CCDC102B: variants seen among roughly 807,000 people sequenced by gnomAD.
CCDC102B encodes coiled-coil domain-containing protein 102B.
In CCDC102B, 75 loss-of-function variants were observed where a neutral mutation model predicts 57.4. The ratio of observed to expected loss-of-function variants is 1.31; its 90% confidence interval spans 1.08 to 1.58. CCDC102B has a LOEUF of 1.58. Ranked by LOEUF, CCDC102B falls within the 40% of genes most tolerant of loss-of-function variation. The pLI is 0.00. For synonymous variants in CCDC102B, 206 were observed against 201.9 expected (o/e 1.02, Z -0.17); for missense variants, 636 against 582.6 (o/e 1.09, Z -0.94).
chr18:68,943,730 C>A (rs1402658753), intron 6 of CCDC102B, among the ~76,000 whole-genome samples: 2 of 152,208 alleles, frequency 1.3e-5, no homozygotes, highest in South Asian at 2.1e-4. Context: ...AATTAAGAGT[C>A]CTTTATTTAA....
intron 4 of CCDC102B, among the ~76,000 whole-genome samples, chr18:68,852,547 G>T (rs1340122651): frequency 6.6e-6 from 1 of 152,022 alleles, no homozygotes; most frequent in East Asian, 1.9e-4. Flanking sequence ...TTTCATTCAT[G>T]TGGAGTCAAC....
chr18:68,925,271 CTCAG>C (rs939858615), intron 6 of CCDC102B, among the ~76,000 whole-genome samples: 42 of 152,110 alleles, frequency 2.8e-4, no homozygotes, highest in Middle Eastern at 3.4e-3. Context: ...TTCAGAAATA[CTCAG>C]TCAGATACCA....
chr18:68,767,652 G>T lies in CCDC102B; in HGVS notation c.-67+51058G>T, dbSNP rs187291046. On this transcript the variant is annotated intron_variant, in intron 2 of 3. Coordinates refer to the CCDC102B transcript ENST00000578970. ...CTATGATTTTTAGAAGCAGTAAAAGGTCATAGTATCTCTCTGAAAAGCTCA... is the reference window on the plus strand; with the variant it reads ...CTATGATTTTTAGAAGCAGTAAAAGTTCATAGTATCTCTCTGAAAAGCTCA... Among the ~76,000 whole-genome samples, 433 of 152,166 alleles carry T rather than the reference G, an allele frequency of 2.8e-3. 1 individual carries two copies. The highest frequency in any genetic ancestry group is 1.0e-2 in the African/African-American group (415 of 41,538).
chr18:68,994,293 T>G (rs2050956027), intron 6 of CCDC102B, among the ~76,000 whole-genome samples: 1 of 152,228 alleles, frequency 6.6e-6, no homozygotes, highest in Admixed American at 6.5e-5. Flanking sequence ...AGTTTGTAAA[T>G]ATTCATTGTA....
chr18:68,976,649 A>G (rs963471149), intron 6 of CCDC102B, among the ~76,000 whole-genome samples: 3 of 152,038 alleles, frequency 2.0e-5, no homozygotes, highest in African/African-American at 7.2e-5. Context: ...TATACATCCT[A>G]TGACCTTTTA....
At chr18:68,802,191 G>C (rs771325125) in intron 1 of CCDC102B, among the ~76,000 whole-genome samples, 2 of 152,110 alleles carry the variant, frequency 1.3e-5, no homozygotes, top group Non-Finnish European at 2.9e-5. Context: ...GAGGGTTCAG[G>C]TGAGCTTTGT....
intron 2 of CCDC102B, among the ~76,000 whole-genome samples, chr18:68,756,556 C>T (rs567535095): frequency 3.5e-4 from 54 of 152,262 alleles, no homozygotes; most frequent in Non-Finnish European, 6.2e-4. Context: ...GTATAGTAGA[C>T]AATGCTAGTT....
chr18:68,947,595 T>A (rs1416708661), intron 6 of CCDC102B, among the ~76,000 whole-genome samples: 1 of 152,114 alleles, frequency 6.6e-6, no homozygotes, highest in Admixed American at 6.6e-5. Flanking sequence ...AAGTTAAATG[T>A]GATGTACTTT....
intron 4 of CCDC102B, among the ~76,000 whole-genome samples, chr18:68,857,169 T>TATA (rs1368116580): frequency 7.3e-5 from 3 of 40,840 alleles, no homozygotes; most frequent in Non-Finnish European, 1.1e-4. Context: ...TATTTTTATA[T>TATA]AATATATAAA....
downstream of CCDC102B, among the ~76,000 whole-genome samples, chr18:69,057,942 C>G (rs1160524719): frequency 1.3e-5 from 2 of 151,892 alleles, no homozygotes; most frequent in East Asian, 3.9e-4. Context: ...ATCTCATCAC[C>G]CAATTCATGA....
upstream of CCDC102B, among the ~76,000 whole-genome samples, chr18:68,796,843 A>ATGTGTG (rs35894372): frequency 0.022 from 3,166 of 147,060 alleles, 88 homozygotes; most frequent in African/African-American, 0.058. Context: ...ATGTACATGC[A>ATGTGTG]TGTGTGTGTG....
chr18:68,814,463 G>A (rs62100043), intron 1 of CCDC102B, among the ~76,000 whole-genome samples: 62,422 of 151,824 alleles, frequency 0.41, 14,136 homozygotes, highest in East Asian at 0.86. Flanking sequence ...CATTATTATA[G>A]GACTTTGGAC....
intron 1 of CCDC102B, among the ~76,000 whole-genome samples, chr18:68,810,981 G>T (rs1279266688): frequency 1.3e-5 from 2 of 152,076 alleles, no homozygotes; most frequent in Non-Finnish European, 2.9e-5. Flanking sequence ...AGTTTGCTGA[G>T]AATGATGGTT....
chr18:68,769,523 G>T (rs577361774), intron 2 of CCDC102B, among the ~76,000 whole-genome samples: 1 of 151,924 alleles, frequency 6.6e-6, no homozygotes, highest in Non-Finnish European at 1.5e-5. Flanking sequence ...CAACCCTACG[G>T]TTCCTCCTGG....
At chr18:68,980,452 A>G (rs777626069) in intron 6 of CCDC102B, among the ~76,000 whole-genome samples, 4 of 150,942 alleles carry the variant, frequency 2.7e-5, no homozygotes, top group Non-Finnish European at 5.9e-5. Context: ...AGCAGTTTAT[A>G]TTATAGGACA....
At chr18:68,953,908 T>C (rs898241971) in intron 6 of CCDC102B, among the ~76,000 whole-genome samples, 1 of 152,024 alleles carries the variant, frequency 6.6e-6, no homozygotes, top group African/African-American at 2.4e-5. Context: ...TGAGTCAACC[T>C]AACATTACAT....
intron 2 of CCDC102B, among the ~76,000 whole-genome samples, chr18:68,785,089 G>C (rs1227460410): frequency 6.7e-6 from 1 of 149,924 alleles, no homozygotes. Context: ...TTGGTTTTTT[G>C]TTCTTGCGAT....
At chr18:68,906,591 A>G (rs1165588489) in intron 6 of CCDC102B, among the ~76,000 whole-genome samples, 2 of 152,176 alleles carry the variant, frequency 1.3e-5, no homozygotes, top group Admixed American at 1.3e-4. Flanking sequence ...CCCAATGACT[A>G]ATAATGTTGA....
chr18:68,922,168 C>T (rs1289897165), intron 6 of CCDC102B, among the ~76,000 whole-genome samples: 2 of 152,134 alleles, frequency 1.3e-5, no homozygotes, highest in African/African-American at 4.8e-5. Context: ...ATTTTCACTT[C>T]TCATCTTATG....
Sources: gnomAD v4.1 joint callset for allele counts (sites outside exome capture counted in the v4.1 genomes callset) on GRCh38, gnomAD v4.1.1 for gene constraint, MANE v1.5 for transcripts, NCBI Gene and HGNC (gene_info 2026-07-23, HGNC 2026-07-21) for gene names.